Variants in IGFL2 observed in about 807,000 individuals in gnomAD.
IGFL2 encodes IGF like family member 2.
IGFL2 carries 7 observed loss-of-function variants against 13.9 expected under a neutral mutation model. That is an observed-to-expected ratio of 0.51 (90% CI 0.29 to 0.95). The LOEUF (loss-of-function observed/expected upper bound fraction) is 0.95. Among genes scored for constraint, IGFL2 ranks in the 40% least tolerant of loss-of-function variants. The pLI, the probability that IGFL2 is intolerant of heterozygous loss-of-function variation, is 0.08. For missense variants in IGFL2, 138 were observed against 147.8 expected (o/e 0.93, Z 0.34); for synonymous variants, 55 against 55.8 (o/e 0.99, Z 0.07).
chr19:46,093,027 C>T, the IGFL2 span, among the ~76,000 whole-genome samples: 1 of 151,858 alleles, frequency 6.6e-6, no homozygotes, highest in Non-Finnish European at 1.5e-5. Context: ...TAAAGTTCGC[C>T]TCAAGCTAAT....
At chr19:46,189,455 T>G in the IGFL2 span, among the ~76,000 whole-genome samples, 2 of 152,066 alleles carry the variant, frequency 1.3e-5, no homozygotes, top group African/African-American at 4.8e-5. Context: ...CCACAAGAGG[T>G]GGTGGAGCAG....
At chr19:46,152,917 A>G (rs1257584262) in intron 1 of IGFL2, among the ~76,000 whole-genome samples, 1 of 152,130 alleles carries the variant, frequency 6.6e-6, no homozygotes, top group African/African-American at 2.4e-5. Context: ...TTTCAGTATC[A>G]TTTGAGAGAA....
the IGFL2 span, among the ~76,000 whole-genome samples, chr19:46,175,217 CTTATT>C: frequency 6.6e-6 from 1 of 152,226 alleles, no homozygotes; most frequent in Admixed American, 6.5e-5. Context: ...TATGTATTAC[CTTATT>C]TTATTCTCCC....
chr19:46,113,103 T>C, the IGFL2 span: 3 of 152,280 alleles, frequency 2.0e-5, no homozygotes, highest in African/African-American at 7.2e-5. Context: ...ATATCATGAC[T>C]AAAACACATC....
At chr19:46,187,498 G>C in the IGFL2 span, among the ~76,000 whole-genome samples, 1 of 141,404 alleles carries the variant, frequency 7.1e-6, no homozygotes, top group Non-Finnish European at 1.5e-5. Flanking sequence ...CTGAGGTTGT[G>C]CTGCTGGTGT....
chr19:46,083,637 A>G, the IGFL2 span, among the ~76,000 whole-genome samples: 1 of 152,218 alleles, frequency 6.6e-6, no homozygotes, highest in Non-Finnish European at 1.5e-5. Context: ...TTTCAGCCAT[A>G]TGTATAGACT....
At chr19:46,126,298 C>T in the IGFL2 span, among the ~76,000 whole-genome samples, 1 of 152,204 alleles carries the variant, frequency 6.6e-6, no homozygotes, top group African/African-American at 2.4e-5. Flanking sequence ...GGTTCCTGTG[C>T]TTTCTTACAC....
At chr19:46,094,449 A>C in the IGFL2 span, among the ~76,000 whole-genome samples, 2 of 152,002 alleles carry the variant, frequency 1.3e-5, no homozygotes, top group African/African-American at 2.4e-5. Context: ...GAAAGTCTCC[A>C]TTACCTCACC....
At chr19:46,191,840 T>C in the IGFL2 span, among the ~76,000 whole-genome samples, 1 of 152,204 alleles carries the variant, frequency 6.6e-6, no homozygotes. Flanking sequence ...TTGTAAAATA[T>C]GGGATTTTTA....
the IGFL2 span, chr19:46,124,211 A>G: frequency 6.2e-7 from 1 of 1,609,364 alleles, no homozygotes; most frequent in Non-Finnish European, 8.5e-7. Context: ...CTCAATTCCC[A>G]GTCTCTTTTC....
chr19:46,155,049 T>C (rs898459983), intron 1 of IGFL2, among the ~76,000 whole-genome samples: 6 of 152,084 alleles, frequency 3.9e-5, no homozygotes, highest in Non-Finnish European at 8.8e-5. Flanking sequence ...TAGCTGCTCC[T>C]CTTCTCGGTT....
the IGFL2 span, among the ~76,000 whole-genome samples, chr19:46,104,070 A>C: frequency 1.3e-5 from 2 of 152,206 alleles, no homozygotes; most frequent in Non-Finnish European, 2.9e-5. Flanking sequence ...GGGTGTCTTC[A>C]TATGGCTGGG....
the IGFL2 span, among the ~76,000 whole-genome samples, chr19:46,132,630 G>A: frequency 6.6e-6 from 1 of 151,306 alleles, no homozygotes; most frequent in African/African-American, 2.4e-5. Flanking sequence ...GAAGGGGAGA[G>A]AGAAGGAGAG....
the IGFL2 span, among the ~76,000 whole-genome samples, chr19:46,082,461 A>G: frequency 6.6e-6 from 1 of 152,194 alleles, no homozygotes; most frequent in African/African-American, 2.4e-5. Flanking sequence ...TAAACCTCTG[A>G]ACTTGCTTGT....
downstream of IGFL2, among the ~76,000 whole-genome samples, chr19:46,165,264 T>C (rs1431920963): frequency 6.6e-6 from 1 of 152,244 alleles, no homozygotes; most frequent in Non-Finnish European, 1.5e-5. Flanking sequence ...GACACAGATA[T>C]GTGCCTGTAG....
At chr19:46,085,056 A>G in the IGFL2 span, among the ~76,000 whole-genome samples, 1 of 152,234 alleles carries the variant, frequency 6.6e-6, no homozygotes, top group Admixed American at 6.5e-5. Flanking sequence ...ATGGGAGTAC[A>G]GCTATTGGGT....
chr19:46,113,859 G>GT, the IGFL2 span: 1 of 155,232 alleles, frequency 6.4e-6, no homozygotes, highest in African/African-American at 2.4e-5. Context: ...GCAGTCCCCT[G>GT]TATTGAAGTT....
the IGFL2 span, among the ~76,000 whole-genome samples, chr19:46,167,889 T>C: frequency 1.3e-5 from 2 of 152,194 alleles, no homozygotes; most frequent in African/African-American, 4.8e-5. Flanking sequence ...AGAAACGGCA[T>C]TGACCAGCAC....
At chr19:46,214,919 G>A in the IGFL2 span, 2 of 150,674 alleles carry the variant, frequency 1.3e-5, no homozygotes, top group African/African-American at 2.5e-5. Context: ...ACACCACACA[G>A]GCTGTCACGT....
Sources: gnomAD v4.1 joint callset for allele counts (sites outside exome capture counted in the v4.1 genomes callset) on GRCh38, gnomAD v4.1.1 for gene constraint, MANE v1.5 for transcripts, NCBI Gene and HGNC (gene_info 2026-07-23, HGNC 2026-07-21) for gene names.